SPATA6: variants seen among roughly 807,000 people sequenced by gnomAD.
The protein encoded by SPATA6 is spermatogenesis associated 6.
SPATA6 carries 56 observed loss-of-function variants against 65.3 expected under a neutral mutation model. That is an observed-to-expected ratio of 0.86 (90% CI 0.69 to 1.07). SPATA6 has a LOEUF of 1.07. Among genes scored for constraint, SPATA6 ranks in the 50% least tolerant of loss-of-function variants. SPATA6 has a pLI of 0.00. For synonymous variants in SPATA6, 199 were observed against 213.2 expected (o/e 0.93, Z 0.58); for missense variants, 590 against 594.8 (o/e 0.99, Z 0.08).
intron 1 of SPATA6, among the ~76,000 whole-genome samples, chr1:48,468,994 G>A (rs1438638841): frequency 6.6e-6 from 1 of 152,084 alleles, no homozygotes; most frequent in Non-Finnish European, 1.5e-5. Flanking sequence ...GTCTCACTGT[G>A]TTGCCCAGGC....
chr1:48,439,667 G>A (rs953980066), intron 3 of SPATA6, among the ~76,000 whole-genome samples: 1 of 151,862 alleles, frequency 6.6e-6, no homozygotes, highest in Non-Finnish European at 1.5e-5. Flanking sequence ...AACCACCGGC[G>A]TTTTTTTCTT....
At chr1:48,444,467 C>A (rs1045366242) in intron 3 of SPATA6, among the ~76,000 whole-genome samples, 3 of 152,086 alleles carry the variant, frequency 2.0e-5, no homozygotes, top group African/African-American at 7.2e-5. Context: ...ATGCACCAAT[C>A]GGCACTCTGT....
intron 3 of SPATA6, among the ~76,000 whole-genome samples, chr1:48,446,657 T>C (rs1191942713): frequency 6.6e-6 from 1 of 152,172 alleles, no homozygotes; most frequent in East Asian, 1.9e-4. Flanking sequence ...AATAAATTGA[T>C]AACCATCAGA....
chr1:48,267,599 G>A, the SPATA6 span, among the ~76,000 whole-genome samples: 24 of 151,944 alleles, frequency 1.6e-4, no homozygotes, highest in Admixed American at 7.9e-4. Flanking sequence ...CAAATTCTGC[G>A]TTGTCCTACC....
chr1:48,356,580 CT>C (rs1051139193), intron 10 of SPATA6, among the ~76,000 whole-genome samples: 25 of 149,266 alleles, frequency 1.7e-4, no homozygotes, highest in African/African-American at 5.7e-4. Context: ...ATGGCGCGAC[CT>C]TGGTTAACTG....
intron 11 of SPATA6, among the ~76,000 whole-genome samples, chr1:48,354,250 T>C (rs142355133): frequency 1.6e-4 from 25 of 152,028 alleles, no homozygotes; most frequent in African/African-American, 6.0e-4. Flanking sequence ...GTCAAAGAAG[T>C]AGGGAGGATG....
chr1:48,323,606 CACA>C (rs1216658889), intron 11 of SPATA6, among the ~76,000 whole-genome samples: 2 of 137,864 alleles, frequency 1.5e-5, no homozygotes, highest in African/African-American at 2.7e-5. Context: ...AACCTTTAGC[CACA>C]ACAACAGAAA....
rs376579609 is a variant in SPATA6 at position 48,472,159 on chromosome 1, T to C, written c.-151A>G. 3,887 of 592,728 alleles carry C rather than the reference T, an allele frequency of 6.6e-3. 93 individuals are homozygous for C. The highest frequency in any genetic ancestry group is 0.045 in the South Asian group (1,960 of 43,792). 36.7% of individuals were successfully genotyped at this position (592,728 alleles called of 1,614,324 possible). A position where few individuals can be genotyped will look rare whatever the true frequency, so the allele number is the denominator to read the frequency against. On this transcript the variant is annotated 5_prime_UTR_variant, in exon 1 of 13. Transcript: ENST00000371847. ...GCCGGGGCCCGCGGTCCAGCCTGGG[T>C]TCCGCCGGAGAAGCAGCTGAGCGCG...
intron 11 of SPATA6, among the ~76,000 whole-genome samples, chr1:48,319,180 T>C (rs576816855): frequency 5.9e-5 from 9 of 152,168 alleles, no homozygotes; most frequent in Non-Finnish European, 1.0e-4. Flanking sequence ...AACATAGGCA[T>C]AAATTTTTAT....
intron 11 of SPATA6, among the ~76,000 whole-genome samples, chr1:48,342,538 C>A (rs1646248069): frequency 6.6e-6 from 1 of 151,622 alleles, no homozygotes; most frequent in African/African-American, 2.4e-5. Flanking sequence ...ATGGCATGAA[C>A]CCCGGAGGCA....
rs1019835728 is a variant in SPATA6 at position 48,364,070 on chromosome 1, C to A, written c.910-4300G>T. Reference sequence around the variant, plus strand: ...TGTGGTGTTTGGTTTTTTGTCCTTGCGATAGTTTACTGAGAATGATGATTT... The same window carrying A: ...TGTGGTGTTTGGTTTTTTGTCCTTGAGATAGTTTACTGAGAATGATGATTT... On this transcript the variant is annotated intron_variant, in intron 9 of 12. Coordinates refer to ENST00000371847, the MANE Select transcript of SPATA6 (RefSeq NM_019073.4). 2.6e-5 allele frequency among the ~76,000 whole-genome samples: 4 copies of A among 151,838 alleles called. No homozygotes were observed. The East Asian group carries it at 7.7e-4, about 29-fold the overall frequency.
At chr1:48,314,593 AG>A (rs1645343165) in intron 11 of SPATA6, among the ~76,000 whole-genome samples, 1 of 152,246 alleles carries the variant, frequency 6.6e-6, no homozygotes, top group Admixed American at 6.5e-5. Flanking sequence ...AAAGCAGGAA[AG>A]ATCTAAAATT....
intron 3 of SPATA6, among the ~76,000 whole-genome samples, chr1:48,445,617 G>A (rs1004594057): frequency 2.8e-4 from 36 of 129,048 alleles, no homozygotes; most frequent in African/African-American, 1.0e-3. Context: ...CCGAGATCAC[G>A]CCGCTGCACT....
intron 9 of SPATA6, among the ~76,000 whole-genome samples, chr1:48,373,582 C>G (rs1170870925): frequency 2.0e-5 from 3 of 152,178 alleles, no homozygotes; most frequent in African/African-American, 7.2e-5. Flanking sequence ...AGCAACGCCC[C>G]ACTCTACTGG....
At chr1:48,365,910 G>C (rs1009496977) in intron 9 of SPATA6, among the ~76,000 whole-genome samples, 1 of 152,174 alleles carries the variant, frequency 6.6e-6, no homozygotes, top group Non-Finnish European at 1.5e-5. Flanking sequence ...TGCCCATTCA[G>C]TATGATATTG....
At chr1:48,355,798 G>C in intron 10 of SPATA6, 29 bp from the exon 11 acceptor site, 1 of 1,550,822 alleles carries the variant, frequency 6.4e-7, no homozygotes, top group South Asian at 1.1e-5. Flanking sequence ...TTTTATTTTT[G>C]TTACTAAAAT....
At chr1:48,294,329 G>A (rs1489120962), downstream of SPATA6, among the ~76,000 whole-genome samples, 3 of 152,056 alleles carry the variant, frequency 2.0e-5, no homozygotes, top group Admixed American at 6.5e-5. Context: ...CGTCCACCTC[G>A]GCCACCCAAA....
At chr1:48,328,387 A>G (rs1237773670) in intron 11 of SPATA6, among the ~76,000 whole-genome samples, 2 of 152,166 alleles carry the variant, frequency 1.3e-5, no homozygotes, top group Non-Finnish European at 2.9e-5. Context: ...ATGGATAAAA[A>G]AAAGTGTCAT....
intron 2 of SPATA6, among the ~76,000 whole-genome samples, chr1:48,451,819 C>T (rs1199515130): frequency 6.6e-6 from 1 of 152,190 alleles, no homozygotes; most frequent in Non-Finnish European, 1.5e-5. Context: ...CATTCTTCCT[C>T]TTGTTACCAT....
Sources: gnomAD v4.1 joint callset for allele counts (sites outside exome capture counted in the v4.1 genomes callset) on GRCh38, gnomAD v4.1.1 for gene constraint, MANE v1.5 for transcripts, NCBI Gene and HGNC (gene_info 2026-07-23, HGNC 2026-07-21) for gene names.